The following MORC3 variants were observed in gnomAD, a reference collection of about 807,000 sequenced individuals.
The protein encoded by MORC3 is MORC family CW-type zinc finger protein 3.
MORC3 carries 31 observed loss-of-function variants against 109.1 expected under a neutral mutation model. The ratio of observed to expected loss-of-function variants is 0.28; its 90% CI spans 0.21 to 0.38. MORC3 has a LOEUF of 0.38. Among genes scored for constraint, MORC3 ranks in the 10% least tolerant of loss-of-function variants. MORC3 has a pLI of 1.00. For missense variants in MORC3, 867 were observed against 1,135.8 expected (o/e 0.76, Z 3.40); for synonymous variants, 395 against 380.7 (o/e 1.04, Z -0.44).
chr21:36,334,938 C>G (rs759223638), intron 2 of MORC3, among the ~76,000 whole-genome samples: 5 of 152,004 alleles, frequency 3.3e-5, no homozygotes, highest in Non-Finnish European at 7.4e-5. Flanking sequence ...GGGGCCCACC[C>G]TGAGAAACAT....
intron 13 of MORC3, among the ~76,000 whole-genome samples, chr21:36,363,741 T>C (rs544221048): frequency 3.2e-4 from 48 of 152,356 alleles, no homozygotes; most frequent in African/African-American, 1.0e-3. Context: ...TAGGCAGTTG[T>C]GCTTCTTGCT....
intron 10 of MORC3, 115 bp downstream of exon 10, chr21:36,356,839 T>C: frequency 1.7e-6 from 1 of 593,768 alleles, no homozygotes; most frequent in East Asian, 3.2e-5. Flanking sequence ...AGGAATAAAT[T>C]CTGCAACATG....
intron 9 of MORC3, among the ~76,000 whole-genome samples, chr21:36,353,388 C>T (rs1221785947): frequency 6.8e-6 from 1 of 147,700 alleles, no homozygotes; most frequent in Non-Finnish European, 1.5e-5. Flanking sequence ...AAATCATGGC[C>T]GGGTGCCGTG....
intron 1 of MORC3, 190 bp downstream of exon 1, chr21:36,320,493 C>T (rs1216548833): frequency 2.2e-6 from 1 of 460,038 alleles, no homozygotes; most frequent in African/African-American, 2.1e-5. Context: ...GGGCTGCGTT[C>T]CGTCGCCTCT....
intron 12 of MORC3, 26 bp downstream of exon 12, chr21:36,360,284 G>A (rs781087891): frequency 6.3e-7 from 1 of 1,587,770 alleles, no homozygotes; most frequent in African/African-American, 1.3e-5. Flanking sequence ...ATGTATAGTG[G>A]GTAATAATGC....
intron 9 of MORC3, among the ~76,000 whole-genome samples, chr21:36,355,836 G>A (rs1015027413): frequency 1.3e-5 from 2 of 151,724 alleles, no homozygotes; most frequent in African/African-American, 2.4e-5. Flanking sequence ...AGTGCCTGTG[G>A]CCCCAGCTAC....
chr21:36,371,313 A>G (rs2085864127), intron 15 of MORC3, among the ~76,000 whole-genome samples: 1 of 152,168 alleles, frequency 6.6e-6, no homozygotes, highest in Non-Finnish European at 1.5e-5. Flanking sequence ...GAGTTGAATG[A>G]CAAAATACAG....
At chr21:36,321,873 C>G (rs1383479208) in intron 1 of MORC3, among the ~76,000 whole-genome samples, 1 of 152,108 alleles carries the variant, frequency 6.6e-6, no homozygotes, top group South Asian at 2.1e-4. Flanking sequence ...TCTGGCTCTT[C>G]AAGATTGAGG....
chr21:36,349,358 C>G lies in MORC3; in HGVS notation c.1053C>G (p.Phe351Leu). 1 of 1,610,566 alleles carries G rather than the reference C, an allele frequency of 6.2e-7. No homozygotes were observed. Among genetic ancestry groups the G allele is most frequent in the East Asian group, 2.2e-5 (1 of 44,616 alleles). Residue 351 changes from phenylalanine (F) to leucine (L), a missense_variant, in exon 9 of 17, where the codon TTC (phenylalanine) becomes TTG (leucine). This residue lies in a region of MORC3 where 120 missense variants were observed against 259.7 expected (regional missense o/e 0.46). Transcript: ENST00000400485. ...VGVVGIIECN[F>L]LKPTHNKQDF... ...TGGTTGGAATTATAGAGTGTAATTT[C>G]CTTAAGCCAACTCATAATAAACAAG...
intron 1 of MORC3, among the ~76,000 whole-genome samples, chr21:36,330,763 A>G (rs527846922): frequency 3.9e-5 from 6 of 152,304 alleles, no homozygotes; most frequent in African/African-American, 1.4e-4. Context: ...TGGTAGAATG[A>G]TATTTGTACA....
intron 1 of MORC3, among the ~76,000 whole-genome samples, chr21:36,329,898 T>C (rs993336809): frequency 2.5e-4 from 38 of 152,248 alleles, no homozygotes; most frequent in African/African-American, 8.7e-4. Context: ...GTTTCGCTCT[T>C]GTTGCCCAGA....
chr21:36,320,398 C>A, intron 1 of MORC3, 95 bp downstream of exon 1: 1 of 1,185,384 alleles, frequency 8.4e-7, no homozygotes, highest in Non-Finnish European at 1.1e-6. Flanking sequence ...GCTTGTGGGG[C>A]CGACGCGGCG....
rs1332296771 is a variant in MORC3, at chr21:36,375,153, C to T, written c.2677C>T (p.Arg893Ter). The T allele has an allele frequency of 3.1e-6, 5 of 1,611,656 alleles. No individual in the cohort carries two copies. Among genetic ancestry groups the T allele is most frequent in the Admixed American group, 1.7e-5 (1 of 59,534 alleles). ...TATTTGTATTTGCAGCCTCAAACTC[C>T]GATCTCTTCGAGTTAACGTAGGACA... ...NHMDGESLKL[R>*]SLRVNVGQLL... Residue 893 changes from arginine (R) to a stop codon, truncating the protein, a stop_gained, in exon 17 of 17, where the codon CGA becomes TGA. Coordinates refer to ENST00000400485, the MANE Select transcript of MORC3 (RefSeq NM_015358.3). LOFTEE classifies it high-confidence loss of function.
At chr21:36,344,440 C>A in intron 6 of MORC3, 139 bp from the exon 7 acceptor site, 2 of 1,008,752 alleles carry the variant, frequency 2.0e-6, no homozygotes, top group Non-Finnish European at 2.8e-6. Context: ...ATCAGAATAA[C>A]ATACAGCTTT....
intron 10 of MORC3, 119 bp from the exon 11 acceptor site, chr21:36,359,836 A>G (rs1158796666): frequency 6.9e-7 from 1 of 1,440,220 alleles, no homozygotes; most frequent in African/African-American, 1.4e-5. Context: ...GAGTTACGTC[A>G]TAATTTTTAG....
Position 36,337,783 on chromosome 21 carries a change from A to C in MORC3, c.297A>C (p.Leu99Phe). 2.5e-6 allele frequency: 4 copies of C among 1,614,202 alleles called. No individual in the cohort carries two copies. The highest frequency in any genetic ancestry group is 3.4e-6 in the Non-Finnish European group (4 of 1,180,034). ...VTMNGHVPVG[L>F]YGNGFKSGSM... ...TGAATGGTCATGTCCCAGTTGGATT[A>C]TATGGGAATGGCTTCAAGTCGGGTT... The change falls in exon 4 of 17, where the codon TTA (leucine) becomes TTC (phenylalanine). Residue 99 changes from leucine (L) to phenylalanine (F), a missense_variant. By Grantham distance (22) the Leu-to-Phe change is conservative (BLOSUM62 0). Transcript: ENST00000400485.
chr21:36,342,962 T>A (rs1338638709), intron 6 of MORC3, among the ~76,000 whole-genome samples: 2 of 150,912 alleles, frequency 1.3e-5, no homozygotes, highest in Non-Finnish European at 3.0e-5. Flanking sequence ...GAGGTTGTGG[T>A]GAGCCAAGAC....
intron 13 of MORC3, among the ~76,000 whole-genome samples, chr21:36,362,964 T>A (rs2085737534): frequency 6.6e-6 from 1 of 152,124 alleles, no homozygotes; most frequent in Non-Finnish European, 1.5e-5. Flanking sequence ...GGAAGCCATA[T>A]TTTAGTGCTA....
chr21:36,372,566 A>T (rs367884549), intron 16 of MORC3, 35 bp downstream of exon 16: 2 of 1,542,480 alleles, frequency 1.3e-6, no homozygotes, highest in Admixed American at 2.3e-5. Context: ...TGGGGCTGCA[A>T]TTATGGTTAG....
Sources: gnomAD v4.1 joint callset for allele counts (sites outside exome capture counted in the v4.1 genomes callset) on GRCh38, gnomAD v4.1.1 for gene constraint, gnomAD v4.1.1 regional missense constraint, MANE v1.5 for transcripts, NCBI Gene and HGNC (gene_info 2026-07-23, HGNC 2026-07-21) for gene names.